HHIPL1: variants seen among roughly 807,000 people sequenced by gnomAD.
The protein encoded by HHIPL1 is HHIP like 1.
Under a neutral mutation model 61.8 loss-of-function variants are expected in HHIPL1, and 43 were observed. The ratio of observed to expected loss-of-function variants is 0.70; its 90% confidence interval spans 0.55 to 0.90. The LOEUF is 0.90. HHIPL1 is among the 40% of genes least tolerant of loss of function. The pLI is 0.00. For synonymous variants in HHIPL1, 482 were observed against 515.8 expected, an observed-to-expected ratio of 0.93 and a Z score of 0.89; for missense variants, 1,056 against 1,157.7, an observed-to-expected ratio of 0.91 and a Z score of 1.28.
chr14:99,667,671 G>T (rs2056267333), intron 6 of HHIPL1, among the ~76,000 whole-genome samples: 1 of 152,198 alleles, frequency 6.6e-6, no homozygotes, highest in African/African-American at 2.4e-5. Flanking sequence ...CGAGGACCTG[G>T]CAGGGCCCAA....
rs965049919 is a variant in HHIPL1 at position 99,675,637 on chromosome 14, G to A, written c.*11G>A. The A allele has an allele frequency of 2.7e-6, 4 of 1,495,976 alleles. No homozygotes were observed. Among genetic ancestry groups the A allele is most frequent in the East Asian group, 2.5e-5 (1 of 39,742 alleles). The allele number at this position is 1,495,976 out of a possible 1,614,324, so 92.7% of individuals were successfully genotyped here. Reference sequence around the variant, plus strand: ...AACCCCGACCTGTAGGCAACACGCCGCTGCCCCAGGCCATCCCGCCGGCGG... The same window carrying A: ...AACCCCGACCTGTAGGCAACACGCCACTGCCCCAGGCCATCCCGCCGGCGG... On this transcript the variant is annotated 3_prime_UTR_variant, in exon 9 of 9. Transcript: ENST00000330710. This position sits in a 1 kb window ranked among gnomAD's most constrained non-coding sequence, Gnocchi z 5.4.
upstream of HHIPL1, among the ~76,000 whole-genome samples, chr14:99,641,560 C>T (rs1222731487): frequency 2.6e-5 from 4 of 151,872 alleles, no homozygotes; most frequent in African/African-American, 9.7e-5. Flanking sequence ...GTTAGAGGTG[C>T]CCGCCACCAT....
the HHIPL1 span, among the ~76,000 whole-genome samples, chr14:99,605,274 C>T: frequency 6.6e-6 from 1 of 152,164 alleles, no homozygotes; most frequent in African/African-American, 2.4e-5. Context: ...TCCCCACCGG[C>T]GGCCTCGCGG....
intron 1 of HHIPL1, among the ~76,000 whole-genome samples, chr14:99,645,753 T>C (rs1029733485): frequency 6.6e-6 from 1 of 152,176 alleles, no homozygotes; most frequent in Non-Finnish European, 1.5e-5. Context: ...CCTCAGAGGT[T>C]GGGGGCTCTT....
chr14:99,678,046 A>C lies in HHIPL1; in HGVS notation c.*2420A>C, dbSNP rs1211060133. 1 of 152,220 alleles carries C rather than the reference A, an allele frequency of 6.6e-6. No homozygotes were observed. The highest frequency in any genetic ancestry group is 1.5e-5 in the Non-Finnish European group (1 of 68,068). The allele number at this position is 152,220 out of a possible 1,614,324, so 9.4% of individuals were successfully genotyped here. On this transcript the variant is annotated 3_prime_UTR_variant, in exon 9 of 9. Transcript: ENST00000330710. ...GGATGGTTTTGGGATGAAATGTCCC[A>C]CCTCAGATCATCAGGCATTAGATTC...
chr14:99,667,271 C>A (rs2056261000), intron 6 of HHIPL1, among the ~76,000 whole-genome samples: 1 of 151,858 alleles, frequency 6.6e-6, no homozygotes, highest in African/African-American at 2.4e-5. Flanking sequence ...CTGGCTTAAC[C>A]ATTCACTAGC....
At chr14:99,669,428 T>A (rs2140092004) in intron 7 of HHIPL1, among the ~76,000 whole-genome samples, 1 of 152,182 alleles carries the variant, frequency 6.6e-6, no homozygotes, top group East Asian at 1.9e-4. Context: ...TGGCAGACTC[T>A]AGGAGTCCCC....
At chr14:99,625,948 T>G in the HHIPL1 span, among the ~76,000 whole-genome samples, 4 of 152,126 alleles carry the variant, frequency 2.6e-5, no homozygotes, top group Non-Finnish European at 4.4e-5. Flanking sequence ...TGCATAACAG[T>G]GCAAAATTCA....
chr14:99,623,839 C>T, the HHIPL1 span, among the ~76,000 whole-genome samples: 8 of 152,180 alleles, frequency 5.3e-5, no homozygotes, highest in Admixed American at 4.6e-4. Flanking sequence ...CTAGCAGCCC[C>T]GCCAGTGCCG....
At chr14:99,636,128 T>G in the HHIPL1 span, among the ~76,000 whole-genome samples, 1 of 152,192 alleles carries the variant, frequency 6.6e-6, no homozygotes, top group African/African-American at 2.4e-5. Context: ...CTCTCTGTGC[T>G]TCAGCTTCTT....
intron 7 of HHIPL1, 49 bp from the exon 8 acceptor site, chr14:99,672,268 G>A: frequency 6.7e-7 from 1 of 1,496,656 alleles, no homozygotes; most frequent in East Asian, 2.5e-5. Context: ...GGCACCCTCA[G>A]GGTGGGCTCC....
At chr14:99,631,127 T>C in the HHIPL1 span, among the ~76,000 whole-genome samples, 2 of 141,140 alleles carry the variant, frequency 1.4e-5, no homozygotes, top group African/African-American at 5.6e-5. Context: ...TCTTTCTTTC[T>C]TTTTTTTTTT....
chr14:99,637,949 C>T, the HHIPL1 span, among the ~76,000 whole-genome samples: 12 of 152,166 alleles, frequency 7.9e-5, no homozygotes, highest in Non-Finnish European at 1.3e-4. Context: ...CAACCCACAT[C>T]GCCTCTCACA....
chr14:99,618,406 A>G, the HHIPL1 span, among the ~76,000 whole-genome samples: 1 of 152,248 alleles, frequency 6.6e-6, no homozygotes, highest in African/African-American at 2.4e-5. Flanking sequence ...GAGCCCCATT[A>G]GGAGGGACTC....
In HHIPL1 at chr14:99,676,312, C is replaced by G. The variant is rs921753324; in HGVS notation, c.*686C>G. 6.6e-6 allele frequency: 1 copy of G among 152,442 alleles called. No individual in the cohort carries two copies. Among genetic ancestry groups the G allele is most frequent in the East Asian group, 1.9e-4 (1 of 5,172 alleles). The allele number at this position is 152,442 out of a possible 1,614,324, so 9.4% of individuals were successfully genotyped here. On this transcript the variant is annotated 3_prime_UTR_variant, in exon 9 of 9. Coordinates refer to ENST00000330710, the MANE Select transcript of HHIPL1 (RefSeq NM_001127258.3). ...GTGAGGACTGGATGACCTCCAAGGC[C>G]GTATGCTGGAGAAGCCACTCAGCAG... is the stretch of plus-strand genomic sequence containing the variant.
intron 6 of HHIPL1, among the ~76,000 whole-genome samples, chr14:99,663,544 T>A (rs2056189751): frequency 6.6e-6 from 1 of 152,188 alleles, no homozygotes; most frequent in Non-Finnish European, 1.5e-5. Flanking sequence ...AACTGTTTTA[T>A]CAGCAAAGTC....
intron 3 of HHIPL1, 145 bp downstream of exon 3, chr14:99,657,288 T>A: frequency 1.1e-6 from 1 of 951,612 alleles, no homozygotes; most frequent in Non-Finnish European, 1.6e-6. Context: ...TGCAGCTAGC[T>A]GGGCAGCCTA....
chr14:99,616,204 T>A, the HHIPL1 span, among the ~76,000 whole-genome samples: 1 of 152,216 alleles, frequency 6.6e-6, no homozygotes, highest in African/African-American at 2.4e-5. Flanking sequence ...TCAGTACAGG[T>A]ACATGCTGTA....
At chr14:99,671,662 C>T (rs977265203) in intron 7 of HHIPL1, among the ~76,000 whole-genome samples, 7 of 152,236 alleles carry the variant, frequency 4.6e-5, no homozygotes, top group South Asian at 2.1e-4. Context: ...CTATTGTGCC[C>T]TTAAAAATGT....
Sources: gnomAD v4.1 joint callset for allele counts (sites outside exome capture counted in the v4.1 genomes callset) on GRCh38, gnomAD v4.1.1 for gene constraint, Gnocchi (gnomAD v3.1) non-coding constraint, MANE v1.5 for transcripts, NCBI Gene and HGNC (gene_info 2026-07-23, HGNC 2026-07-21) for gene names.